The following SLA2 variants were observed in gnomAD, a reference collection of about 807,000 sequenced individuals.
The protein encoded by SLA2 is Src like adaptor 2.
Under a neutral mutation model 27.3 loss-of-function variants are expected in SLA2, and 22 were observed. The ratio of observed to expected loss-of-function variants is 0.81; its 90% CI spans 0.58 to 1.15. SLA2 has a LOEUF of 1.15. SLA2 is among the 50% of genes most tolerant of loss of function. The pLI, the probability that SLA2 is intolerant of heterozygous loss-of-function variation, is 0.00. For missense variants in SLA2, 304 were observed against 322.2 expected (o/e 0.94, Z 0.43); for synonymous variants, 131 against 137.8 (o/e 0.95, Z 0.34).
rs2039452476 is a variant in SLA2, at chr20:36,636,625, TATATATA to T, written c.92-2043_92-2037del. Reference sequence around the variant, plus strand: ...CATCTCAAAAAGAAAAAAAAAAAAATATATATATATATATATATATATATATATGGTT... The same window carrying T: ...CATCTCAAAAAGAAAAAAAAAAAAATTATATATATATATATATATATGGTT... On this transcript the variant is annotated intron_variant, in intron 2 of 7. Coordinates refer to ENST00000262866, the MANE Select transcript of SLA2 (RefSeq NM_032214.4). 6.7e-5 allele frequency among the ~76,000 whole-genome samples: 5 copies of T among 74,384 alleles called. No individual in the cohort carries two copies. The South Asian group carries it at 2.4e-3, about 36-fold the overall frequency. 48.8% of individuals were successfully genotyped at this position (74,384 alleles called of 152,430 possible). A position where few individuals can be genotyped will look rare whatever the true frequency, so the allele number is the denominator to read the frequency against.
chr20:36,636,134 GA>G (rs2039442233), intron 2 of SLA2, among the ~76,000 whole-genome samples: 4 of 151,056 alleles, frequency 2.6e-5, no homozygotes, highest in African/African-American at 9.8e-5. Context: ...GTGGTTGCAA[GA>G]GGCCGGGCGC....
intron 6 of SLA2, 84 bp from the exon 7 acceptor site, chr20:36,614,521 T>G (rs1282916669): frequency 2.6e-6 from 4 of 1,509,748 alleles, no homozygotes; most frequent in African/African-American, 2.8e-5. Context: ...CCCTCTGCAG[T>G]TGGCAGGAGG....
At chr20:36,633,234 C>A (rs922548888) in intron 4 of SLA2, among the ~76,000 whole-genome samples, 2 of 152,068 alleles carry the variant, frequency 1.3e-5, no homozygotes, top group African/African-American at 4.8e-5. Context: ...ACTGTGCCAG[C>A]CCCTCACGCC....
chr20:36,629,023 G>A (rs1187411982), intron 5 of SLA2, among the ~76,000 whole-genome samples: 1 of 150,880 alleles, frequency 6.6e-6, no homozygotes. Flanking sequence ...TTTTGGAATT[G>A]ACTATGGGGA....
intron 7 of SLA2, 97 bp from the exon 8 acceptor site, chr20:36,614,083 T>C: frequency 6.5e-7 from 1 of 1,544,508 alleles, no homozygotes; most frequent in Non-Finnish European, 8.8e-7. Flanking sequence ...CCTTCACTCC[T>C]GCTGAGGACC....
At chr20:36,640,140 T>C (rs1478686083) in intron 2 of SLA2, among the ~76,000 whole-genome samples, 2 of 150,660 alleles carry the variant, frequency 1.3e-5, no homozygotes, top group East Asian at 4.0e-4. Context: ...AGACTCCATC[T>C]CTACAAAAAT....
intron 5 of SLA2, among the ~76,000 whole-genome samples, chr20:36,627,272 G>T (rs2147987137): frequency 6.6e-6 from 1 of 152,316 alleles, no homozygotes; most frequent in East Asian, 1.9e-4. Context: ...GCTCCAGCAG[G>T]CTTAGGCAAC....
chr20:36,629,904 G>A (rs944748070), intron 5 of SLA2, among the ~76,000 whole-genome samples: 2 of 151,034 alleles, frequency 1.3e-5, no homozygotes, highest in South Asian at 2.1e-4. Context: ...GCCACTTCAC[G>A]CCAGCCTGGG....
chr20:36,632,790 A>G, intron 4 of SLA2, 92 bp from the exon 5 acceptor site: 1 of 962,980 alleles, frequency 1.0e-6, no homozygotes, highest in East Asian at 2.6e-5. Context: ...TGACCCTCAC[A>G]AGGCCCTCCC....
rs1200430445 is a variant in SLA2 at position 36,645,251 on chromosome 20, C to T, written c.-44+586G>A. 4.7e-5 allele frequency among the ~76,000 whole-genome samples: 7 copies of T among 147,596 alleles called. No homozygotes were observed. The Admixed American group carries it at 4.9e-4, about 10-fold the overall frequency. Reference sequence around the variant, plus strand: ...GCATGGTGGTACATGCCTGTAGTCTCAGCTACTTGGGAGGCTAAGGCAGGA... The same window carrying T: ...GCATGGTGGTACATGCCTGTAGTCTTAGCTACTTGGGAGGCTAAGGCAGGA... On this transcript the variant is annotated intron_variant, in intron 1 of 7. Coordinates refer to ENST00000262866, the MANE Select transcript of SLA2 (RefSeq NM_032214.4).
At chr20:36,639,571 C>A (rs531533974) in intron 2 of SLA2, among the ~76,000 whole-genome samples, 1 of 152,020 alleles carries the variant, frequency 6.6e-6, no homozygotes, top group Admixed American at 6.6e-5. Flanking sequence ...ACTAGAATTG[C>A]GGCCGGGTGC....
Position 36,612,564 on chromosome 20 carries a change from G to A in SLA2, c.*1302C>T, listed in dbSNP as rs897066451. 2.2e-5 allele frequency: 7 copies of A among 320,292 alleles called. No individual in the cohort carries two copies. Among genetic ancestry groups the A allele is most frequent in the Non-Finnish European group, 4.2e-5 (7 of 165,000 alleles). 19.8% of individuals were successfully genotyped at this position (320,292 alleles called of 1,614,324 possible). A position where few individuals can be genotyped will look rare whatever the true frequency, so the allele number is the denominator to read the frequency against. On this transcript the variant is annotated 3_prime_UTR_variant, in exon 8 of 8. Coordinates refer to ENST00000262866, the MANE Select transcript of SLA2 (RefSeq NM_032214.4). ...TCAAATCTTTAATTGAGAACCTGTT[G>A]ATGATACCTGATAAAGCCTTTCCCA...
chr20:36,640,916 G>A (rs897242565), intron 2 of SLA2, among the ~76,000 whole-genome samples: 8 of 152,146 alleles, frequency 5.3e-5, no homozygotes, highest in African/African-American at 7.2e-5. Flanking sequence ...TGGCCAGCTC[G>A]GTGTTTGGAT....
intron 1 of SLA2, among the ~76,000 whole-genome samples, chr20:36,645,215 G>A (rs146421668): frequency 8.8e-6 from 1 of 113,472 alleles, no homozygotes; most frequent in Non-Finnish European, 1.7e-5. Context: ...AAAATATAAC[G>A]AATTAGCTGG....
intron 5 of SLA2, chr20:36,621,040 G>C (rs931970918): frequency 5.7e-6 from 2 of 350,524 alleles, no homozygotes. Flanking sequence ...TGGAAACTTT[G>C]GTGGAAGAGA....
intron 6 of SLA2, 181 bp from the exon 7 acceptor site, chr20:36,614,618 A>G: frequency 1.0e-6 from 1 of 985,390 alleles, no homozygotes; most frequent in South Asian, 4.7e-5. Context: ...TTTCTGGGCT[A>G]ACTTTTGGGA....
chr20:36,641,111 G>C, intron 2 of SLA2, 134 bp downstream of exon 2: 1 of 698,920 alleles, frequency 1.4e-6, no homozygotes, highest in Non-Finnish European at 2.5e-6. Flanking sequence ...GGCTCAGTAG[G>C]CAGGGCCTGG....
chr20:36,631,930 C>A (rs758481243), intron 5 of SLA2, among the ~76,000 whole-genome samples: 2 of 152,178 alleles, frequency 1.3e-5, no homozygotes, highest in Non-Finnish European at 2.9e-5. Flanking sequence ...GTTAGGCAAA[C>A]GCGACGCCTT....
chr20:36,619,350 AC>A (rs1211593173), intron 5 of SLA2, among the ~76,000 whole-genome samples: 1 of 150,120 alleles, frequency 6.7e-6, no homozygotes, highest in African/African-American at 2.5e-5. Flanking sequence ...ACATGGTGAA[AC>A]CCCATCTCTA....
Sources: allele counts gnomAD v4.1 joint callset (sites outside exome capture counted in the v4.1 genomes callset), GRCh38; gene constraint gnomAD v4.1.1; transcripts MANE v1.5; gene names NCBI Gene and HGNC (gene_info 2026-07-23, HGNC 2026-07-21).